Variants in CPEB1 observed in about 807,000 individuals in gnomAD.
CPEB1 encodes the protein cytoplasmic polyadenylation element-binding protein 1.
A neutral mutation model predicts 65.8 loss-of-function variants in CPEB1; 7 were observed. That is an observed-to-expected ratio of 0.11 (90% confidence interval 0.06 to 0.20). The LOEUF (loss-of-function observed/expected upper bound fraction) is 0.20. Ranked by LOEUF, CPEB1 falls within the 10% of genes least tolerant of loss-of-function variation. The pLI, the probability that CPEB1 is intolerant of heterozygous loss-of-function variation, is 1.00. For synonymous variants in CPEB1, 262 were observed against 260.0 expected (o/e 1.01, Z -0.08); for missense variants, 551 against 712.2 (o/e 0.77, Z 2.58).
At chr15:82,590,383 G>T (rs1426874285) in intron 3 of CPEB1, among the ~76,000 whole-genome samples, 1 of 151,938 alleles carries the variant, frequency 6.6e-6, no homozygotes, top group Non-Finnish European at 1.5e-5. Flanking sequence ...CTAGAATTCT[G>T]CAATTGTTAC....
At chr15:82,602,495 G>C (rs1359180151) in intron 3 of CPEB1, among the ~76,000 whole-genome samples, 1 of 152,154 alleles carries the variant, frequency 6.6e-6, no homozygotes, top group Admixed American at 6.5e-5. Flanking sequence ...GTTACAGTAA[G>C]GTATGATTGT....
intron 3 of CPEB1, among the ~76,000 whole-genome samples, chr15:82,574,286 G>C (rs778474058): frequency 6.6e-6 from 1 of 152,180 alleles, no homozygotes; most frequent in African/African-American, 2.4e-5. Context: ...TAGTGTGGCA[G>C]GCTGGAAAAA....
chr15:82,596,717 A>C (rs1478749712), intron 3 of CPEB1, among the ~76,000 whole-genome samples: 1 of 151,310 alleles, frequency 6.6e-6, no homozygotes, highest in Non-Finnish European at 1.5e-5. Flanking sequence ...AAAAAAAAAA[A>C]AGTTCATTAC....
intron 4 of CPEB1, among the ~76,000 whole-genome samples, chr15:82,565,316 C>T (rs774543068): frequency 3.3e-5 from 5 of 152,150 alleles, no homozygotes; most frequent in Admixed American, 6.5e-5. Context: ...GCAGCAAAGA[C>T]AAAGGGAAGT....
Position 82,549,580 on chromosome 15 carries a change from C to A in CPEB1, c.1360G>T (p.Val454Leu), listed in dbSNP as rs768842586. ...PSQRLDPSRT[V>L]FVGALHGMLN... Reference sequence around the variant, plus strand: ...ATTCCATGCAGAGCACCGACAAACACCGTCCTGCTGGGGTCAAGCCTCTGA... The same window carrying A: ...ATTCCATGCAGAGCACCGACAAACAACGTCCTGCTGGGGTCAAGCCTCTGA... The change falls in exon 10 of 13, where the codon GTG becomes TTG. Residue 454 changes from valine (V) to leucine (L), a missense_variant. Val to Leu is a conservative substitution (Grantham distance 32). Around this residue, in one of 6 missense-constraint regions of CPEB1, gnomAD observed 99 missense variants for 161.3 expected, o/e 0.61. Coordinates refer to ENST00000684509, the MANE Select transcript of CPEB1 (RefSeq NM_001365242.1). 1 of 1,614,212 alleles carries A rather than the reference C, an allele frequency of 6.2e-7. No individual in the cohort carries two copies. Among genetic ancestry groups the A allele is most frequent in the Non-Finnish European group, 8.5e-7 (1 of 1,180,050 alleles).
intron 3 of CPEB1, among the ~76,000 whole-genome samples, chr15:82,575,628 C>A (rs1428121399): frequency 1.3e-5 from 2 of 152,154 alleles, no homozygotes; most frequent in Middle Eastern, 3.4e-3. Context: ...TTAAAAGGCA[C>A]AAAATCTGAA....
At chr15:82,569,665 C>G (rs2039713269) in intron 4 of CPEB1, among the ~76,000 whole-genome samples, 1 of 152,220 alleles carries the variant, frequency 6.6e-6, no homozygotes, top group Non-Finnish European at 1.5e-5. Context: ...CTCCAAGCCC[C>G]CAGTGGGGCA....
At chr15:82,551,247 C>A (rs2036190339) in intron 9 of CPEB1, among the ~76,000 whole-genome samples, 1 of 152,108 alleles carries the variant, frequency 6.6e-6, no homozygotes, top group African/African-American at 2.4e-5. Context: ...ATAGGCATTT[C>A]TCCTCTTACC....
chr15:82,564,906 G>C (rs2038871351), intron 4 of CPEB1, among the ~76,000 whole-genome samples: 1 of 152,002 alleles, frequency 6.6e-6, no homozygotes, highest in Non-Finnish European at 1.5e-5. Context: ...GTGTCTCACT[G>C]AATTATATAC....
At chr15:82,593,713 T>C (rs1363924144) in intron 3 of CPEB1, among the ~76,000 whole-genome samples, 6 of 152,238 alleles carry the variant, frequency 3.9e-5, no homozygotes. Context: ...TCTAGCCTTA[T>C]GAAATGTATT....
At chr15:82,593,450 T>C (rs1567207771) in intron 3 of CPEB1, among the ~76,000 whole-genome samples, 1 of 152,228 alleles carries the variant, frequency 6.6e-6, no homozygotes, top group Non-Finnish European at 1.5e-5. Context: ...TTCAGTCACA[T>C]CTTCAGGCTC....
At chr15:82,608,510 A>G (rs2043838937) in intron 3 of CPEB1, among the ~76,000 whole-genome samples, 1 of 152,218 alleles carries the variant, frequency 6.6e-6, no homozygotes, top group Non-Finnish European at 1.5e-5. Context: ...GTTGTAGTAG[A>G]GCTAGGGAGG....
intron 3 of CPEB1, among the ~76,000 whole-genome samples, chr15:82,608,453 T>C (rs890618184): frequency 1.3e-5 from 2 of 152,230 alleles, no homozygotes; most frequent in Admixed American, 6.5e-5. Context: ...TTTCAGTGGC[T>C]TCCAGGCTGC....
At chr15:82,627,647 T>C (rs2045884103) in intron 2 of CPEB1, among the ~76,000 whole-genome samples, 1 of 152,194 alleles carries the variant, frequency 6.6e-6, no homozygotes, top group Non-Finnish European at 1.5e-5. Flanking sequence ...CTAACTCTAC[T>C]AGTTTTCTAC....
intron 3 of CPEB1, among the ~76,000 whole-genome samples, chr15:82,616,410 C>A (rs905532116): frequency 1.3e-5 from 2 of 151,998 alleles, no homozygotes; most frequent in Non-Finnish European, 2.9e-5. Flanking sequence ...GAAAAGAGTA[C>A]ACTTAAGTGC....
intron 10 of CPEB1, 78 bp downstream of exon 10, chr15:82,549,382 T>TCC: frequency 6.8e-7 from 1 of 1,475,666 alleles, no homozygotes; most frequent in South Asian, 1.2e-5. Flanking sequence ...CTCTCCTCAC[T>TCC]CCCATGGGGA....
chr15:82,627,090 C>A (rs925635135), intron 3 of CPEB1, 103 bp downstream of exon 3: 4 of 930,844 alleles, frequency 4.3e-6, no homozygotes, highest in Non-Finnish European at 6.1e-6. Flanking sequence ...AGCAACTCAA[C>A]ATTGTTCTTC....
intron 1 of CPEB1, among the ~76,000 whole-genome samples, chr15:82,640,370 C>A (rs1265823843): frequency 1.3e-5 from 2 of 152,218 alleles, no homozygotes; most frequent in East Asian, 3.9e-4. Context: ...GTGCTCATTT[C>A]TCTTGCACAT....
Position 82,544,581 on chromosome 15 carries a change from G to A in CPEB1, c.*11C>T. The A allele has an allele frequency of 2.5e-6, 4 of 1,603,130 alleles. No individual in the cohort carries two copies. Among genetic ancestry groups the A allele is most frequent in the South Asian group, 2.2e-5 (2 of 90,580 alleles). On this transcript the variant is annotated 3_prime_UTR_variant, in exon 13 of 13. Coordinates refer to ENST00000684509, the MANE Select transcript of CPEB1 (RefSeq NM_001365242.1). Reference sequence around the variant, plus strand: ...TTGGGCGCCACAGGCCACTGGGCAAGGCCAGCTCCTCTAGCTGGAATCTCG... The same window carrying A: ...TTGGGCGCCACAGGCCACTGGGCAAAGCCAGCTCCTCTAGCTGGAATCTCG...
Sources: allele counts gnomAD v4.1 joint callset (sites outside exome capture counted in the v4.1 genomes callset), GRCh38; gene constraint gnomAD v4.1.1; regional missense constraint gnomAD v4.1.1; transcripts MANE v1.5; gene names NCBI Gene and HGNC (gene_info 2026-07-23, HGNC 2026-07-21).